Variants in DDR2 observed in about 807,000 individuals in gnomAD.
The protein encoded by DDR2 is discoidin domain-containing receptor 2.
In DDR2, 27 loss-of-function variants were observed where a neutral mutation model predicts 94.9. The observed-to-expected ratio is 0.28, with a 90% CI of 0.21 to 0.39. The LOEUF (loss-of-function observed/expected upper bound fraction) is 0.39. DDR2 is among the 10% of genes least tolerant of loss of function. DDR2 has a pLI of 1.00. For synonymous variants in DDR2, 382 were observed against 377.2 expected (o/e 1.01, Z -0.15); for missense variants, 783 against 1,076.0 (o/e 0.73, Z 3.81).
intron 16 of DDR2, 118 bp from the exon 17 acceptor site, chr1:162,778,462 T>C: frequency 7.9e-7 from 1 of 1,269,778 alleles, no homozygotes; most frequent in Non-Finnish European, 1.1e-6. Flanking sequence ...CATCTTGGCA[T>C]TTTCAGAATT....
At chr1:162,745,579 A>T (rs1171473619) in intron 3 of DDR2, among the ~76,000 whole-genome samples, 3 of 147,470 alleles carry the variant, frequency 2.0e-5, no homozygotes, top group Admixed American at 1.4e-4. Context: ...TATTAATGAG[A>T]TTTTTTTTTT....
chr1:162,708,311 G>A (rs1011032034), intron 2 of DDR2, among the ~76,000 whole-genome samples: 1 of 152,190 alleles, frequency 6.6e-6, no homozygotes, highest in Non-Finnish European at 1.5e-5. Flanking sequence ...GGTTCCTATA[G>A]CTAGATGAGA....
intron 1 of DDR2, among the ~76,000 whole-genome samples, chr1:162,643,380 G>T (rs1462032845): frequency 6.6e-6 from 1 of 152,108 alleles, no homozygotes; most frequent in Non-Finnish European, 1.5e-5. Flanking sequence ...TATCTATACA[G>T]GTAAACTTCA....
At chr1:162,698,353 G>A (rs564890012) in intron 2 of DDR2, among the ~76,000 whole-genome samples, 3 of 152,282 alleles carry the variant, frequency 2.0e-5, no homozygotes, top group South Asian at 2.1e-4. Context: ...TGCTCAAAGC[G>A]CGAGGGAGGC....
intron 3 of DDR2, among the ~76,000 whole-genome samples, chr1:162,747,755 G>T (rs1662957835): frequency 6.6e-6 from 1 of 152,168 alleles, no homozygotes; most frequent in Non-Finnish European, 1.5e-5. Context: ...AGAGAGAAAG[G>T]TCAGGTTACC....
chr1:162,685,716 CA>C (rs1659655494), intron 2 of DDR2, among the ~76,000 whole-genome samples: 1 of 152,142 alleles, frequency 6.6e-6, no homozygotes, highest in African/African-American at 2.4e-5. Context: ...CTTACTAATG[CA>C]AGTCTTTATT....
At chr1:162,672,175 C>T (rs1333622592) in intron 2 of DDR2, among the ~76,000 whole-genome samples, 3 of 152,222 alleles carry the variant, frequency 2.0e-5, no homozygotes, top group Non-Finnish European at 4.4e-5. Context: ...TGTCACTTAC[C>T]AGCTTGGTAA....
chr1:162,762,756 A>G (rs1663805502), intron 9 of DDR2, among the ~76,000 whole-genome samples: 1 of 152,028 alleles, frequency 6.6e-6, no homozygotes, highest in Admixed American at 6.6e-5. Context: ...TTTGGTTTTT[A>G]CCCTTATTTT....
chr1:162,643,813 C>T (rs1032455750), intron 1 of DDR2, among the ~76,000 whole-genome samples: 1 of 152,136 alleles, frequency 6.6e-6, no homozygotes. Context: ...ACAATGTACT[C>T]GAATATTGAA....
At chr1:162,664,025 G>GGAGGACAGGAGT (rs1658428596) in intron 2 of DDR2, among the ~76,000 whole-genome samples, 1 of 152,098 alleles carries the variant, frequency 6.6e-6, no homozygotes, top group Non-Finnish European at 1.5e-5. Flanking sequence ...AGAGGCTGGG[G>GGAGGACAGGAGT]GAGGACAGGA....
intron 3 of DDR2, among the ~76,000 whole-genome samples, chr1:162,749,089 A>G (rs1663042393): frequency 6.6e-6 from 1 of 151,494 alleles, no homozygotes; most frequent in Admixed American, 6.6e-5. Flanking sequence ...CATCACAATT[A>G]AAAGAACTAG....
intron 6 of DDR2, 145 bp downstream of exon 6, chr1:162,755,448 C>T: frequency 8.2e-7 from 1 of 1,218,020 alleles, no homozygotes; most frequent in Non-Finnish European, 1.2e-6. Flanking sequence ...AGAAGCATTG[C>T]TCATTAACCC....
chr1:162,747,296 C>T (rs547623513), intron 3 of DDR2, among the ~76,000 whole-genome samples: 274 of 152,224 alleles, frequency 1.8e-3, no homozygotes, highest in Non-Finnish European at 2.9e-3. Flanking sequence ...GAATGGCTAA[C>T]TAGAATAAAC....
At chr1:162,649,275 C>T (rs369847759) in intron 1 of DDR2, among the ~76,000 whole-genome samples, 1 of 152,140 alleles carries the variant, frequency 6.6e-6, no homozygotes, top group Non-Finnish European at 1.5e-5. Context: ...GCTTAGAGCA[C>T]TCCACAAACT....
chr1:162,769,830 C>G (rs985472733), intron 11 of DDR2, among the ~76,000 whole-genome samples: 1 of 152,120 alleles, frequency 6.6e-6, no homozygotes, highest in Non-Finnish European at 1.5e-5. Context: ...TGGGTATTAT[C>G]CTAATCTAGG....
chr1:162,679,843 G>A (rs948242240), intron 2 of DDR2, among the ~76,000 whole-genome samples: 1 of 151,162 alleles, frequency 6.6e-6, no homozygotes, highest in Non-Finnish European at 1.5e-5. Flanking sequence ...AGTATGAGAT[G>A]GTATCTTATT....
In DDR2 at chr1:162,694,675, T is replaced by A. The variant is rs1047807059; in HGVS notation, c.-27-24362T>A. On this transcript the variant is annotated intron_variant, in intron 2 of 17. Transcript: ENST00000367921. ...TCATAGTGCTTAGCAAAGTTTCTGA[T>A]GTTTAGAAATTTCTCAATAAATATT... 2.6e-5 allele frequency among the ~76,000 whole-genome samples: 4 copies of A among 152,214 alleles called. No homozygotes were observed. The East Asian group carries it at 7.7e-4, about 29-fold the overall frequency.
intron 2 of DDR2, among the ~76,000 whole-genome samples, chr1:162,695,760 G>T (rs1007475779): frequency 6.6e-6 from 1 of 152,186 alleles, no homozygotes; most frequent in African/African-American, 2.4e-5. Context: ...ACCATTTACT[G>T]AGTACTTGCT....
At position 162,770,391 on chromosome 1, in the gene DDR2, A is replaced by G; in HGVS notation, c.1383A>G (p.Ser461=). 1 of 1,613,856 alleles carries G rather than the reference A, an allele frequency of 6.2e-7. No homozygotes were observed. The highest frequency in any genetic ancestry group is 8.5e-7 in the Non-Finnish European group (1 of 1,179,966). The change falls in exon 12 of 18, where the codon TCA becomes TCG. Residue 461 remains serine, a synonymous_variant. Transcript: ENST00000367921. ...SSMFNNNRSS[S]PSEQGSNSTY... is the part of the protein sequence containing the mutation. ...TGTTCAACAATAACCGCTCCTCATC[A>G]CCTAGTGAACAAGGGTCCAACTCGA...
Sources: allele counts gnomAD v4.1 joint callset (sites outside exome capture counted in the v4.1 genomes callset), GRCh38; gene constraint gnomAD v4.1.1; transcripts MANE v1.5; gene names NCBI Gene and HGNC (gene_info 2026-07-23, HGNC 2026-07-21).